The following GRIN2B variants were observed in gnomAD, a reference collection of about 807,000 sequenced individuals.
GRIN2B encodes glutamate receptor ionotropic, NMDA 2B.
In GRIN2B, 5 loss-of-function variants were observed where a neutral mutation model predicts 114.5. The ratio of observed to expected loss-of-function variants is 0.04; its 90% CI spans 0.02 to 0.09. GRIN2B has a LOEUF of 0.09. Among genes scored for constraint, GRIN2B ranks in the 10% least tolerant of loss-of-function variants. The probability of loss-of-function intolerance (pLI) is 1.00; values close to 1 mark genes in which losing one functional copy is unlikely to be tolerated. For synonymous variants in GRIN2B, 787 were observed against 745.1 expected, an observed-to-expected ratio of 1.06 and a Z score of -0.92; for missense variants, 1,108 against 1,943.5, an observed-to-expected ratio of 0.57 and a Z score of 8.08.
At chr12:13,576,610 G>C (rs761553839) in intron 10 of GRIN2B, among the ~76,000 whole-genome samples, 1 of 151,048 alleles carries the variant, frequency 6.6e-6, no homozygotes, top group Non-Finnish European at 1.5e-5. Flanking sequence ...GCAGTGTTGC[G>C]ATCTTGGCTC....
intron 2 of GRIN2B, among the ~76,000 whole-genome samples, chr12:13,891,970 G>A (rs141566761): frequency 1.3e-5 from 2 of 152,230 alleles, no homozygotes; most frequent in African/African-American, 4.8e-5. Flanking sequence ...TAAAAATGAT[G>A]GCAATAACTA....
In GRIN2B at chr12:13,563,692, C is replaced by T. The variant is rs200166566; in HGVS notation, c.3546G>A (p.Gly1182=). The part of the protein sequence containing the change: ...PCTNRSHIKH[G]TGDKHGVVSG... ...TGACCACGCCGTGTTTGTCGCCCGT[C>T]CCGTGCTTGATGTGAGACCTGTTGG... Residue 1182 remains glycine (G), a synonymous_variant, in exon 14 of 14, where the codon GGG becomes GGA. Coordinates refer to ENST00000609686, the MANE Select transcript of GRIN2B (RefSeq NM_000834.5). 9.3e-6 allele frequency: 15 copies of T among 1,613,598 alleles called. No individual in the cohort carries two copies. The South Asian group carries it at 1.4e-4, about 15-fold the overall frequency.
At chr12:13,834,532 C>A (rs1039845237) in intron 3 of GRIN2B, among the ~76,000 whole-genome samples, 16 of 152,144 alleles carry the variant, frequency 1.1e-4, no homozygotes, top group Admixed American at 3.3e-4. Flanking sequence ...CCTGACACTG[C>A]CTGGGTTCCC....
chr12:13,858,441 A>G (rs946170226), intron 3 of GRIN2B, among the ~76,000 whole-genome samples: 1 of 152,232 alleles, frequency 6.6e-6, no homozygotes, highest in Non-Finnish European at 1.5e-5. Flanking sequence ...ATTTTGAATA[A>G]AATGTAGATC....
chr12:13,659,130 A>G (rs1418833860), intron 5 of GRIN2B, among the ~76,000 whole-genome samples: 2 of 152,182 alleles, frequency 1.3e-5, no homozygotes, highest in Non-Finnish European at 2.9e-5. Flanking sequence ...CAGAACCACA[A>G]ATTGACATTT....
At chr12:13,580,221 T>C (rs1267709044) in intron 10 of GRIN2B, among the ~76,000 whole-genome samples, 3 of 152,202 alleles carry the variant, frequency 2.0e-5, no homozygotes, top group Admixed American at 6.5e-5. Flanking sequence ...AGCACATAAA[T>C]GAAAGCAGCT....
At chr12:13,710,625 T>C (rs7135991) in intron 4 of GRIN2B, among the ~76,000 whole-genome samples, 100,307 of 151,946 alleles carry the variant, frequency 0.66, 33,317 homozygotes, top group Middle Eastern at 0.7. Flanking sequence ...AACTCCCATT[T>C]GCAATTGCTT....
rs2136397816 is a variant in GRIN2B, at chr12:13,559,888, G to A, written c.*2895C>T. On this transcript the variant is annotated 3_prime_UTR_variant, in exon 14 of 14. Coordinates refer to ENST00000609686, the MANE Select transcript of GRIN2B (RefSeq NM_000834.5). ...CCGCTGGGAGATTTCTCAGGATTGA[G>A]CTTCCTGAAACCTTTCAGTCACGCC... is the stretch of plus-strand genomic sequence containing the variant. 6.6e-6 allele frequency: 1 copy of A among 152,334 alleles called. No individual in the cohort carries two copies. The highest frequency in any genetic ancestry group is 1.5e-5 in the Non-Finnish European group (1 of 68,046). 9.4% of individuals were successfully genotyped at this position (152,334 alleles called of 1,614,324 possible).
chr12:13,830,470 AG>A, intron 3 of GRIN2B, among the ~76,000 whole-genome samples: 1 of 152,256 alleles, frequency 6.6e-6, no homozygotes, highest in East Asian at 1.9e-4. Flanking sequence ...GAGAAACTAT[AG>A]CAAACATAGT....
chr12:13,927,378 T>C (rs1866936401), intron 2 of GRIN2B, among the ~76,000 whole-genome samples: 1 of 152,198 alleles, frequency 6.6e-6, no homozygotes, highest in Admixed American at 6.5e-5. Flanking sequence ...TTTTTTTCTG[T>C]AAAGTGACAG....
At chr12:13,634,825 A>C (rs142175922) in intron 5 of GRIN2B, among the ~76,000 whole-genome samples, 1 of 152,302 alleles carries the variant, frequency 6.6e-6, no homozygotes, top group Non-Finnish European at 1.5e-5. Flanking sequence ...TAACTTCTGA[A>C]GATCCTGCTA....
At chr12:13,833,602 C>G (rs138361859) in intron 3 of GRIN2B, among the ~76,000 whole-genome samples, 2 of 152,154 alleles carry the variant, frequency 1.3e-5, no homozygotes, top group African/African-American at 2.4e-5. Flanking sequence ...TGACCTAAAA[C>G]GAGGCTGTCA....
chr12:13,913,786 T>C (rs1866663776), intron 2 of GRIN2B, among the ~76,000 whole-genome samples: 2 of 152,156 alleles, frequency 1.3e-5, no homozygotes, highest in South Asian at 4.1e-4. Context: ...GTGGAGATAA[T>C]GGTTTCTCAG....
intron 10 of GRIN2B, among the ~76,000 whole-genome samples, chr12:13,588,345 T>G (rs1052224795): frequency 1.2e-4 from 18 of 152,192 alleles, no homozygotes; most frequent in Admixed American, 1.1e-3. Flanking sequence ...ACATGACCAG[T>G]TGTTGGGAGT....
chr12:13,772,200 G>A (rs966153583), intron 3 of GRIN2B, among the ~76,000 whole-genome samples: 1 of 152,198 alleles, frequency 6.6e-6, no homozygotes, highest in Non-Finnish European at 1.5e-5. Context: ...AGCTCCCTCT[G>A]GGGAGGTTTG....
At chr12:13,660,248 A>G (rs371171422) in intron 5 of GRIN2B, among the ~76,000 whole-genome samples, 40 of 152,306 alleles carry the variant, frequency 2.6e-4, no homozygotes, top group African/African-American at 9.1e-4. Flanking sequence ...AGGCATGAAT[A>G]ACACGAAGTA....
intron 2 of GRIN2B, among the ~76,000 whole-genome samples, chr12:13,908,935 C>T (rs905688830): frequency 6.6e-6 from 1 of 152,192 alleles, no homozygotes; most frequent in Admixed American, 6.5e-5. Flanking sequence ...GAGCCACTAT[C>T]ATGGAATCTA....
intron 3 of GRIN2B, among the ~76,000 whole-genome samples, chr12:13,835,771 T>TAAAAAAAAAAAAAAAAAAAAAAAAAAA (rs1165005583): frequency 2.2e-5 from 2 of 91,488 alleles, no homozygotes; most frequent in Non-Finnish European, 4.1e-5. Flanking sequence ...CATAGCACAT[T>TAAAAAAAAAAAAAAAAAAAAAAAAAAA]AAAAAAAAAA....
chr12:13,769,700 G>A (rs1334995925), intron 3 of GRIN2B, among the ~76,000 whole-genome samples: 4 of 152,188 alleles, frequency 2.6e-5, no homozygotes, highest in African/African-American at 7.2e-5. Context: ...AAACCATATC[G>A]CCTTCACAGG....
Sources: gnomAD v4.1 joint callset for allele counts (sites outside exome capture counted in the v4.1 genomes callset) on GRCh38, gnomAD v4.1.1 for gene constraint, MANE v1.5 for transcripts, NCBI Gene and HGNC (gene_info 2026-07-23, HGNC 2026-07-21) for gene names.